SCML4: variants seen among roughly 807,000 people sequenced by gnomAD.
SCML4 encodes Scm polycomb group protein like 4, also known as sex comb on midleg-like protein 4.
In SCML4, 34 loss-of-function variants were observed where a neutral mutation model predicts 41.1. The ratio of observed to expected loss-of-function variants is 0.83; its 90% CI spans 0.63 to 1.10. The LOEUF is 1.10. Among genes scored for constraint, SCML4 ranks in the 50% least tolerant of loss-of-function variants. The pLI, the probability that SCML4 is intolerant of heterozygous loss-of-function variation, is 0.00. For missense variants in SCML4, 522 were observed against 534.1 expected (o/e 0.98, Z 0.22); for synonymous variants, 214 against 220.9 (o/e 0.97, Z 0.28).
chr6:107,843,671 G>T, the SCML4 span, among the ~76,000 whole-genome samples: 1 of 152,160 alleles, frequency 6.6e-6, no homozygotes, highest in Admixed American at 6.6e-5. Context: ...CTGCAGAGTT[G>T]GGATTGTAGA....
the SCML4 span, among the ~76,000 whole-genome samples, chr6:107,841,788 C>T: frequency 2.4e-3 from 366 of 152,212 alleles, no homozygotes; most frequent in Non-Finnish European, 3.0e-3. Flanking sequence ...AGGAGAGGGC[C>T]CACACCTCCA....
At chr6:107,838,210 C>A in the SCML4 span, among the ~76,000 whole-genome samples, 9 of 152,104 alleles carry the variant, frequency 5.9e-5, no homozygotes, top group African/African-American at 1.9e-4. Context: ...ACCCAGCCAA[C>A]CTTACTATTA....
Position 107,808,730 on chromosome 6 carries a change from T to C in SCML4, c.-60+15396A>G, listed in dbSNP as rs1783931088. Among the ~76,000 whole-genome samples the C allele has an allele frequency of 6.6e-5, 10 of 152,360 alleles. No individual in the cohort carries two copies. The South Asian group carries it at 2.1e-3, about 32-fold the overall frequency. ...ATGTGGCCTTTTTCATTTCTATTTT[T>C]GCATATGTTTTATAATGTGCATAAT... On this transcript the variant is annotated intron_variant, in intron 1 of 7. Coordinates refer to ENST00000369020, the MANE Select transcript of SCML4 (RefSeq NM_198081.5).
intron 1 of SCML4, among the ~76,000 whole-genome samples, chr6:107,780,960 G>T (rs940394446): frequency 1.1e-4 from 15 of 139,930 alleles, no homozygotes; most frequent in African/African-American, 4.1e-4. Flanking sequence ...GATAAGCAAT[G>T]GTTTTTTTTT....
chr6:107,707,063 C>T (rs9480793), intron 7 of SCML4, among the ~76,000 whole-genome samples: 17,622 of 152,144 alleles, frequency 0.12, 2,335 homozygotes, highest in African/African-American at 0.32. Flanking sequence ...GTGCCATGCG[C>T]GGTGGCTCAC....
chr6:107,779,143 G>A (rs1781284488), intron 1 of SCML4, among the ~76,000 whole-genome samples: 1 of 151,964 alleles, frequency 6.6e-6, no homozygotes, highest in Non-Finnish European at 1.5e-5. Flanking sequence ...TCGCGCCACT[G>A]CACTCCAGCC....
chr6:107,761,142 A>G (rs1253460949), intron 2 of SCML4, among the ~76,000 whole-genome samples: 1 of 152,174 alleles, frequency 6.6e-6, no homozygotes, highest in Non-Finnish European at 1.5e-5. Flanking sequence ...GTTTCAGAAG[A>G]AAAGAATATG....
chr6:107,755,703 ATGGAC>A, intron 2 of SCML4: 13 of 1,058,462 alleles, frequency 1.2e-5, no homozygotes, highest in Non-Finnish European at 1.6e-5. Context: ...TGTTTTTTAA[ATGGAC>A]AAAATAAAAC....
At chr6:107,785,164 C>T (rs533232600) in intron 1 of SCML4, among the ~76,000 whole-genome samples, 1 of 152,286 alleles carries the variant, frequency 6.6e-6, no homozygotes, top group South Asian at 2.1e-4. Flanking sequence ...TGTATCTTCC[C>T]GGTCCAGAGT....
At chr6:107,764,312 G>A (rs1421547164) in intron 2 of SCML4, among the ~76,000 whole-genome samples, 1 of 152,230 alleles carries the variant, frequency 6.6e-6, no homozygotes, top group African/African-American at 2.4e-5. Context: ...TCAAATCTGG[G>A]ATTCTAATTA....
intron 1 of SCML4, among the ~76,000 whole-genome samples, chr6:107,773,390 G>A (rs1018991465): frequency 1.3e-5 from 2 of 152,018 alleles, no homozygotes; most frequent in Non-Finnish European, 2.9e-5. Flanking sequence ...CTAGGAGTTC[G>A]AGACTAGCCT....
chr6:107,706,727 G>A (rs1299327748), intron 7 of SCML4, among the ~76,000 whole-genome samples: 1 of 152,140 alleles, frequency 6.6e-6, no homozygotes. Context: ...TAATCACAAA[G>A]CTCCTTAAAC....
chr6:107,702,967 G>A lies in SCML4; in HGVS notation c.*2233C>T, dbSNP rs1157254636. Among the ~76,000 whole-genome samples the A allele has an allele frequency of 1.3e-5, 2 of 152,156 alleles. No homozygotes were observed. The highest frequency in any genetic ancestry group is 4.8e-5 in the African/African-American group (2 of 41,430). ...AAAACAGGTTGCAGTAAAGAAGTTG[G>A]CTAAAACCCACCAAAACCAAGATGG... is the stretch of plus-strand genomic sequence containing the variant. On this transcript the variant is annotated 3_prime_UTR_variant, in exon 8 of 8. Transcript: ENST00000369020.
intron 1 of SCML4, among the ~76,000 whole-genome samples, chr6:107,790,527 T>C (rs1458528352): frequency 6.6e-6 from 1 of 152,202 alleles, no homozygotes; most frequent in Non-Finnish European, 1.5e-5. Context: ...CGCAAAGGTC[T>C]CCTGGGGCCA....
In SCML4 at chr6:107,707,885, A is replaced by G; in HGVS notation, c.1100T>C (p.Val367Ala). ...DADPQALGPH[V>A]ELFRKHEIDG... ...GCATACGTGCTTTCTGAAGAGCTCCACGTGAGGCCCCAGAGCCTGTGGGTC... is the reference window on the plus strand; with the variant it reads ...GCATACGTGCTTTCTGAAGAGCTCCGCGTGAGGCCCCAGAGCCTGTGGGTC... Residue 367 changes from valine (V) to alanine (A), a missense_variant, in exon 7 of 8, where the codon GTG becomes GCG. Transcript: ENST00000369020. 6.4e-7 allele frequency: 1 copy of G among 1,551,684 alleles called. No individual in the cohort carries two copies. The highest frequency in any genetic ancestry group is 1.4e-5 in the African/African-American group (1 of 73,168).
At chr6:107,808,024 C>T (rs1197715316) in intron 1 of SCML4, among the ~76,000 whole-genome samples, 2 of 152,178 alleles carry the variant, frequency 1.3e-5, no homozygotes, top group Non-Finnish European at 2.9e-5. Context: ...ATCACATTAG[C>T]CTAATTGCTT....
chr6:107,789,472 C>T (rs998218979), intron 1 of SCML4, among the ~76,000 whole-genome samples: 1 of 152,320 alleles, frequency 6.6e-6, no homozygotes, highest in South Asian at 2.1e-4. Flanking sequence ...GTGCAGACAG[C>T]GCACGGCTGA....
At chr6:107,749,983 A>G (rs185488092) in intron 2 of SCML4, among the ~76,000 whole-genome samples, 170 bp from the exon 3 acceptor site, 26 of 148,454 alleles carry the variant, frequency 1.8e-4, no homozygotes, top group East Asian at 1.6e-3. Flanking sequence ...CTCAGGATTC[A>G]TATTTGGGGT....
intron 1 of SCML4, among the ~76,000 whole-genome samples, chr6:107,773,939 T>C (rs1317466174): frequency 6.6e-6 from 1 of 152,202 alleles, no homozygotes; most frequent in East Asian, 1.9e-4. Flanking sequence ...ACAGAAAATA[T>C]AAAATAGTGG....
Sources: gnomAD v4.1 joint callset for allele counts (sites outside exome capture counted in the v4.1 genomes callset) on GRCh38, gnomAD v4.1.1 for gene constraint, MANE v1.5 for transcripts, NCBI Gene and HGNC (gene_info 2026-07-23, HGNC 2026-07-21) for gene names.